NALCN: variants seen among roughly 807,000 people sequenced by gnomAD.
The protein encoded by NALCN is sodium leak channel, non-selective.
A neutral mutation model predicts 225.3 loss-of-function variants in NALCN; 111 were observed. That is an observed-to-expected ratio of 0.49 (90% CI 0.42 to 0.58). NALCN has a LOEUF of 0.58. Among genes scored for constraint, NALCN ranks in the 20% least tolerant of loss-of-function variants. The probability of loss-of-function intolerance (pLI) is 0.00; values close to 1 mark genes in which losing one functional copy is unlikely to be tolerated. For missense variants in NALCN, 1,378 were observed against 2,202.4 expected (o/e 0.63, Z 7.49); for synonymous variants, 764 against 769.0 (o/e 0.99, Z 0.11).
At chr13:101,263,235 A>T (rs1033097822) in intron 10 of NALCN, among the ~76,000 whole-genome samples, 11 of 152,228 alleles carry the variant, frequency 7.2e-5, no homozygotes, top group Non-Finnish European at 1.6e-4. Context: ...CAAAAATCAA[A>T]TTCCAGAGCT....
At chr13:101,216,162 G>T (rs1027180328) in intron 13 of NALCN, among the ~76,000 whole-genome samples, 1 of 152,026 alleles carries the variant, frequency 6.6e-6, no homozygotes, top group African/African-American at 2.4e-5. Context: ...ATATGTAGTT[G>T]CTTTTTATAC....
intron 10 of NALCN, among the ~76,000 whole-genome samples, chr13:101,267,988 C>T (rs2042652426): frequency 1.3e-5 from 2 of 152,136 alleles, no homozygotes; most frequent in Non-Finnish European, 2.9e-5. Context: ...ACAACCAGAA[C>T]AGAAATGGAA....
chr13:101,260,657 C>T (rs1355641048), intron 10 of NALCN, among the ~76,000 whole-genome samples: 1 of 152,094 alleles, frequency 6.6e-6, no homozygotes, highest in African/African-American at 2.4e-5. Context: ...CTGTTTGTGT[C>T]ATTTGTATGT....
chr13:101,276,278 C>T (rs1314871004), intron 10 of NALCN, among the ~76,000 whole-genome samples: 2 of 152,000 alleles, frequency 1.3e-5, no homozygotes, highest in Non-Finnish European at 2.9e-5. Flanking sequence ...TTACCATGCT[C>T]AGTATCTTAT....
At chr13:101,265,851 T>A (rs2042578970) in intron 10 of NALCN, among the ~76,000 whole-genome samples, 1 of 152,134 alleles carries the variant, frequency 6.6e-6, no homozygotes, top group Non-Finnish European at 1.5e-5. Context: ...TCAGTCAACA[T>A]TGCTCTATAT....
At chr13:101,277,061 C>A (rs1271922518) in intron 10 of NALCN, among the ~76,000 whole-genome samples, 1 of 151,750 alleles carries the variant, frequency 6.6e-6, no homozygotes, top group African/African-American at 2.4e-5. Flanking sequence ...TATATACACA[C>A]ACATAGAGAG....
chr13:101,135,870 G>T (rs1219911591), intron 17 of NALCN, among the ~76,000 whole-genome samples: 1 of 152,170 alleles, frequency 6.6e-6, no homozygotes, highest in African/African-American at 2.4e-5. Flanking sequence ...GATAGATTTA[G>T]CAGCGGCCTT....
At chr13:101,266,623 C>T (rs1281254007) in intron 10 of NALCN, among the ~76,000 whole-genome samples, 3 of 152,186 alleles carry the variant, frequency 2.0e-5, no homozygotes, top group Non-Finnish European at 2.9e-5. Flanking sequence ...CCACTGAATA[C>T]TGCATCAGCC....
At chr13:101,345,062 G>A (rs1440010190) in intron 7 of NALCN, among the ~76,000 whole-genome samples, 1 of 152,150 alleles carries the variant, frequency 6.6e-6, no homozygotes, top group Non-Finnish European at 1.5e-5. Context: ...TACAAACACT[G>A]CTGCCCATAT....
At chr13:101,285,830 G>T (rs974546071) in intron 9 of NALCN, among the ~76,000 whole-genome samples, 1 of 152,098 alleles carries the variant, frequency 6.6e-6, no homozygotes, top group African/African-American at 2.4e-5. Context: ...CTCATTTTAA[G>T]GATAAAAGAC....
intron 6 of NALCN, 126 bp from the exon 7 acceptor site, chr13:101,345,546 T>TCG: frequency 4.4e-6 from 5 of 1,131,740 alleles, no homozygotes; most frequent in Non-Finnish European, 6.1e-6. Context: ...ATGCCTGTAA[T>TCG]CGTTGCACTT....
rs760371646 is a variant in NALCN, at chr13:101,065,381, C to T, written c.4604+23G>A. The T allele has an allele frequency of 3.1e-6, 5 of 1,613,024 alleles. No homozygotes were observed. The Admixed American group carries it at 8.3e-5, about 27-fold the overall frequency. On this transcript the variant is annotated intron_variant, in intron 40 of 43. Coordinates refer to ENST00000251127, the MANE Select transcript of NALCN (RefSeq NM_052867.4). Reference sequence around the variant, plus strand: ...GCTGTGGTTTCTGGCCCCCATTCAGCCCTGCGAAAGCCTGCCTTGTACCTC... The same window carrying T: ...GCTGTGGTTTCTGGCCCCCATTCAGTCCTGCGAAAGCCTGCCTTGTACCTC...
intron 22 of NALCN, among the ~76,000 whole-genome samples, chr13:101,105,407 T>C (rs1208324735): frequency 6.6e-6 from 1 of 152,206 alleles, no homozygotes; most frequent in East Asian, 1.9e-4. Flanking sequence ...TATTTAGAAT[T>C]TCTTGGAAGG....
chr13:101,123,498 G>T (rs981569548), intron 18 of NALCN, among the ~76,000 whole-genome samples: 3 of 152,124 alleles, frequency 2.0e-5, no homozygotes, highest in African/African-American at 7.2e-5. Flanking sequence ...CCAGCCAGTC[G>T]GGAGTAAGCC....
chr13:101,333,311 A>C (rs2045252377), intron 7 of NALCN, among the ~76,000 whole-genome samples: 1 of 152,140 alleles, frequency 6.6e-6, no homozygotes, highest in Admixed American at 6.5e-5. Context: ...ATTTATTCTA[A>C]TACGTTTATT....
chr13:101,406,309 G>A (rs925236672), intron 1 of NALCN, among the ~76,000 whole-genome samples: 1 of 152,110 alleles, frequency 6.6e-6, no homozygotes, highest in Non-Finnish European at 1.5e-5. Context: ...CTGGGTGACA[G>A]AGTGAGACTC....
At chr13:101,131,120 C>A (rs929595746) in intron 17 of NALCN, among the ~76,000 whole-genome samples, 3 of 151,960 alleles carry the variant, frequency 2.0e-5, no homozygotes, top group African/African-American at 7.2e-5. Context: ...GTTTAGTTTT[C>A]ATTGCTTTAA....
intron 3 of NALCN, among the ~76,000 whole-genome samples, chr13:101,381,271 G>C (rs2046841045): frequency 6.6e-6 from 1 of 152,086 alleles, no homozygotes; most frequent in African/African-American, 2.4e-5. Flanking sequence ...GGATGCTACC[G>C]ATGCTACTGG....
chr13:101,090,625 G>C (rs1358823039), intron 28 of NALCN, among the ~76,000 whole-genome samples: 1 of 152,116 alleles, frequency 6.6e-6, no homozygotes, highest in African/African-American at 2.4e-5. Flanking sequence ...AGTCTTCTCA[G>C]TGGACTCTTA....
Sources: gnomAD v4.1 joint callset for allele counts (sites outside exome capture counted in the v4.1 genomes callset) on GRCh38, gnomAD v4.1.1 for gene constraint, MANE v1.5 for transcripts, NCBI Gene and HGNC (gene_info 2026-07-23, HGNC 2026-07-21) for gene names.